The following FAM162A variants were observed in gnomAD, a reference collection of about 807,000 sequenced individuals.
The protein encoded by FAM162A is family with sequence similarity 162 member A.
FAM162A carries 23 observed loss-of-function variants against 21.8 expected under a neutral mutation model. The ratio of observed to expected loss-of-function variants is 1.05; its 90% CI spans 0.76 to 1.49. FAM162A has a LOEUF of 1.49. FAM162A is among the 40% of genes most tolerant of loss of function. FAM162A has a pLI of 0.00. For synonymous variants in FAM162A, 53 were observed against 61.3 expected (o/e 0.86, Z 0.64); for missense variants, 165 against 186.4 (o/e 0.89, Z 0.67).
At chr3:122,389,160 GGTGAA>G (rs1354626011) in intron 1 of FAM162A, among the ~76,000 whole-genome samples, 2 of 152,102 alleles carry the variant, frequency 1.3e-5, no homozygotes, top group Admixed American at 6.5e-5. Flanking sequence ...AAGTGTGGGT[GGTGAA>G]GTGAAGTAGT....
intron 3 of FAM162A, among the ~76,000 whole-genome samples, chr3:122,405,436 C>G (rs1350186745): frequency 6.6e-6 from 1 of 152,200 alleles, no homozygotes; most frequent in Admixed American, 6.5e-5. Context: ...ATTATTTCAG[C>G]AGGAAAGCCC....
At chr3:122,398,102 A>C (rs547113271) in intron 1 of FAM162A, among the ~76,000 whole-genome samples, 2 of 152,234 alleles carry the variant, frequency 1.3e-5, no homozygotes, top group Non-Finnish European at 1.5e-5. Flanking sequence ...TAAAAATGCA[A>C]CGTAAGGAAG....
At position 122,384,279 on chromosome 3, in the gene FAM162A, G is replaced by A; in HGVS notation, c.14G>A (p.Ser5Asn). The A allele has an allele frequency of 6.3e-7, 1 of 1,579,204 alleles. No homozygotes were observed. The highest frequency in any genetic ancestry group is 8.6e-7 in the Non-Finnish European group (1 of 1,162,954). Reference protein sequence around the residue: MGSLSGLRLAAGSCF... With the variant: MGSLNGLRLAAGSCF... Reference sequence around the variant, plus strand: ...TAGCAAGTGGCCATGGGGAGCCTCAGCGGTCTGCGCCTGGCAGCAGGTGAG... The same window carrying A: ...TAGCAAGTGGCCATGGGGAGCCTCAACGGTCTGCGCCTGGCAGCAGGTGAG... The change falls in exon 1 of 5, where the codon AGC becomes AAC. Residue 5 changes from serine to asparagine, a missense_variant. Ser to Asn is a conservative substitution (Grantham distance 46, BLOSUM62 1). Transcript: ENST00000477892.
At chr3:122,407,034 T>C (rs1293183409) in intron 3 of FAM162A, among the ~76,000 whole-genome samples, 3 of 152,120 alleles carry the variant, frequency 2.0e-5, no homozygotes, top group South Asian at 4.1e-4. Context: ...CTTCTCTTTT[T>C]GTTTTCTTCT....
intron 1 of FAM162A, among the ~76,000 whole-genome samples, chr3:122,392,746 C>T (rs914313524): frequency 3.9e-5 from 6 of 152,160 alleles, no homozygotes; most frequent in Admixed American, 2.6e-4. Context: ...TGTCTTAATC[C>T]TGAGTGCTAT....
chr3:122,400,873 G>A (rs2075649977), intron 1 of FAM162A, among the ~76,000 whole-genome samples: 1 of 152,030 alleles, frequency 6.6e-6, no homozygotes, highest in African/African-American at 2.4e-5. Context: ...ATATAGAGAT[G>A]TTCATTGGGG....
chr3:122,392,036 A>G (rs1177876350), intron 1 of FAM162A, among the ~76,000 whole-genome samples: 1 of 152,242 alleles, frequency 6.6e-6, no homozygotes, highest in African/African-American at 2.4e-5. Flanking sequence ...CCTGGCACAT[A>G]GGAAGTACTT....
At chr3:122,396,895 A>G (rs1197284559) in intron 1 of FAM162A, among the ~76,000 whole-genome samples, 1 of 152,222 alleles carries the variant, frequency 6.6e-6, no homozygotes, top group African/African-American at 2.4e-5. Context: ...GATTCCATTT[A>G]TATAAAATGT....
At chr3:122,398,145 G>A (rs1448088897) in intron 1 of FAM162A, among the ~76,000 whole-genome samples, 3 of 152,154 alleles carry the variant, frequency 2.0e-5, no homozygotes, top group Non-Finnish European at 4.4e-5. Context: ...TTTTAAAACT[G>A]GCAAATAAAG....
intron 1 of FAM162A, among the ~76,000 whole-genome samples, chr3:122,400,863 A>G (rs1304882978): frequency 6.6e-6 from 1 of 152,122 alleles, no homozygotes; most frequent in Non-Finnish European, 1.5e-5. Context: ...TATCGTTACT[A>G]TATAGAGATG....
rs1553777913 is a variant in FAM162A, at chr3:122,412,142, T to C, written c.*2311T>C. 1 of 152,170 alleles carries C rather than the reference T, an allele frequency of 6.6e-6. No homozygotes were observed. Among genetic ancestry groups the C allele is most frequent in the Non-Finnish European group, 1.5e-5 (1 of 68,018 alleles). 9.4% of individuals were successfully genotyped at this position (152,170 alleles called of 1,614,324 possible). On this transcript the variant is annotated 3_prime_UTR_variant, in exon 5 of 5. Coordinates refer to ENST00000477892, the MANE Select transcript of FAM162A (RefSeq NM_014367.4). Reference sequence around the variant, plus strand: ...AAACTGAATGAGCACTACTATAAGGTACCACAAACTACAAAAGGAGACAGT... The same window carrying C: ...AAACTGAATGAGCACTACTATAAGGCACCACAAACTACAAAAGGAGACAGT...
Position 122,384,276 on chromosome 3 carries a change from T to G in FAM162A, c.11T>G (p.Leu4Arg). The G allele has an allele frequency of 6.3e-7, 1 of 1,578,674 alleles. No homozygotes were observed. Among genetic ancestry groups the G allele is most frequent in the Non-Finnish European group, 8.6e-7 (1 of 1,162,720 alleles). ...GAGTAGCAAGTGGCCATGGGGAGCC[T>G]CAGCGGTCTGCGCCTGGCAGCAGGT... MGS[L>R]SGLRLAAGSC... The change falls in exon 1 of 5, where the codon CTC becomes CGC. Residue 4 changes from leucine to arginine, a missense_variant. Leu to Arg is a moderately radical substitution (Grantham distance 102). Transcript: ENST00000477892.
intron 1 of FAM162A, among the ~76,000 whole-genome samples, chr3:122,396,335 G>T (rs2075627432): frequency 6.6e-6 from 1 of 151,934 alleles, no homozygotes; most frequent in Admixed American, 6.5e-5. Context: ...AAAAAAATAG[G>T]CAGAGGACCT....
intron 3 of FAM162A, among the ~76,000 whole-genome samples, chr3:122,406,968 T>C (rs1367405381): frequency 2.6e-5 from 4 of 151,466 alleles, no homozygotes; most frequent in Non-Finnish European, 5.9e-5. Context: ...GGGTCCACCA[T>C]AGCAAGTGTA....
In FAM162A at chr3:122,411,151, G is replaced by C. The variant is rs1323365482; in HGVS notation, c.*1320G>C. The C allele has an allele frequency of 1.3e-5, 2 of 152,180 alleles. No homozygotes were observed. The highest frequency in any genetic ancestry group is 2.9e-5 in the Non-Finnish European group (2 of 68,050). 9.4% of individuals were successfully genotyped at this position (152,180 alleles called of 1,614,324 possible). On this transcript the variant is annotated 3_prime_UTR_variant, in exon 5 of 5. Coordinates refer to ENST00000477892, the MANE Select transcript of FAM162A (RefSeq NM_014367.4). ...TGTATACAGCCATGCCAACATGCTG[G>C]TTCTCAGAGAGTTATAAGAGAGATT... is the stretch of plus-strand genomic sequence containing the variant.
chr3:122,400,776 G>A (rs1028521349), intron 1 of FAM162A, among the ~76,000 whole-genome samples: 1 of 151,796 alleles, frequency 6.6e-6, no homozygotes, highest in Admixed American at 6.6e-5. Flanking sequence ...GCGGTGAGCC[G>A]AGATCGCGCC....
intron 1 of FAM162A, among the ~76,000 whole-genome samples, chr3:122,393,070 C>T (rs1459501646): frequency 1.3e-5 from 2 of 152,162 alleles, no homozygotes; most frequent in African/African-American, 4.8e-5. Flanking sequence ...TAATTTATCT[C>T]CTTTCCACTA....
intron 1 of FAM162A, among the ~76,000 whole-genome samples, chr3:122,396,570 G>A (rs1014256031): frequency 3.3e-5 from 5 of 152,178 alleles, no homozygotes; most frequent in Non-Finnish European, 7.4e-5. Flanking sequence ...TTGGAAAATG[G>A]TCTTGTAATT....
At chr3:122,407,522 CA>C in intron 4 of FAM162A, 133 bp downstream of exon 4, 2 of 619,466 alleles carry the variant, frequency 3.2e-6, no homozygotes, top group Non-Finnish European at 2.8e-6. Context: ...AAAAGATAAG[CA>C]AAAAAATAAG....
Sources: allele counts gnomAD v4.1 joint callset (sites outside exome capture counted in the v4.1 genomes callset), GRCh38; gene constraint gnomAD v4.1.1; transcripts MANE v1.5; gene names NCBI Gene and HGNC (gene_info 2026-07-23, HGNC 2026-07-21).